Variants in DYM observed in about 807,000 individuals in gnomAD.
DYM encodes the protein dyggve-Melchior-Clausen syndrome protein.
A neutral mutation model predicts 93.1 loss-of-function variants in DYM; 78 were observed. That is an observed-to-expected ratio of 0.84 (90% CI 0.70 to 1.01). The LOEUF (loss-of-function observed/expected upper bound fraction) is 1.01, where lower values mean the gene tolerates loss of function less well. DYM is among the 50% of genes least tolerant of loss of function. The probability of loss-of-function intolerance (pLI) is 0.00; values close to 1 mark genes in which losing one functional copy is unlikely to be tolerated. For missense variants in DYM, 789 were observed against 845.0 expected, an observed-to-expected ratio of 0.93 and a Z score of 0.82; for synonymous variants, 321 against 319.7, an observed-to-expected ratio of 1.00 and a Z score of -0.04.
At chr18:49,183,606 T>C (rs900983073) in intron 14 of DYM, among the ~76,000 whole-genome samples, 1 of 152,174 alleles carries the variant, frequency 6.6e-6, no homozygotes, top group East Asian at 1.9e-4. Context: ...AATATTAAGT[T>C]CTTGAGCCTG....
intron 8 of DYM, among the ~76,000 whole-genome samples, chr18:49,312,089 T>C (rs982857908): frequency 2.6e-4 from 40 of 152,300 alleles, no homozygotes; most frequent in Admixed American, 1.5e-3. Context: ...AACTTCACTA[T>C]TGCTTATGTT....
At chr18:49,307,870 T>C (rs1338491840) in intron 8 of DYM, among the ~76,000 whole-genome samples, 2 of 152,224 alleles carry the variant, frequency 1.3e-5, no homozygotes, top group African/African-American at 4.8e-5. Context: ...TGACTTCAGC[T>C]GCTTGACAGC....
chr18:49,053,641 T>C (rs1360020305), intron 17 of DYM, among the ~76,000 whole-genome samples: 2 of 152,194 alleles, frequency 1.3e-5, no homozygotes, highest in Non-Finnish European at 2.9e-5. Context: ...AGATGAAAAC[T>C]ACACAGGTTT....
intron 6 of DYM, among the ~76,000 whole-genome samples, chr18:49,362,032 T>G (rs77950110): frequency 5.8e-5 from 8 of 137,152 alleles, no homozygotes; most frequent in East Asian, 2.9e-4. Context: ...CCTAATTTTT[T>G]TTTTTTTTTT....
At chr18:49,386,683 G>A (rs1339377247) in intron 3 of DYM, among the ~76,000 whole-genome samples, 1 of 152,142 alleles carries the variant, frequency 6.6e-6, no homozygotes, top group African/African-American at 2.4e-5. Flanking sequence ...GTGGGATCCT[G>A]GAACAGTGAA....
chr18:49,351,897 T>C (rs1289828016), intron 6 of DYM, among the ~76,000 whole-genome samples: 2 of 151,700 alleles, frequency 1.3e-5, no homozygotes, highest in East Asian at 1.9e-4. Context: ...CCCAAGAAAA[T>C]AGTGAAGAGG....
chr18:49,070,934 A>G (rs1049745598), intron 17 of DYM, among the ~76,000 whole-genome samples: 1 of 152,198 alleles, frequency 6.6e-6, no homozygotes, highest in Non-Finnish European at 1.5e-5. Flanking sequence ...CCCTGATTTG[A>G]AAAACTCTCA....
chr18:49,111,609 T>A (rs2081399600), intron 16 of DYM, among the ~76,000 whole-genome samples: 1 of 152,186 alleles, frequency 6.6e-6, no homozygotes, highest in Admixed American at 6.5e-5. Context: ...GTGTACCACA[T>A]CCTCTAATGA....
chr18:49,441,605 T>C (rs2081631110), intron 1 of DYM, among the ~76,000 whole-genome samples: 1 of 150,506 alleles, frequency 6.6e-6, no homozygotes, highest in Non-Finnish European at 1.5e-5. Flanking sequence ...ACGAAAGCAA[T>C]GGAAAGAAAG....
At chr18:49,055,020 A>G (rs1185342249) in intron 17 of DYM, among the ~76,000 whole-genome samples, 2 of 152,202 alleles carry the variant, frequency 1.3e-5, no homozygotes, top group African/African-American at 2.4e-5. Context: ...AAGGGGATTC[A>G]CAGAAAGGAG....
intron 5 of DYM, among the ~76,000 whole-genome samples, chr18:49,374,504 C>T (rs965626124): frequency 6.6e-6 from 1 of 152,174 alleles, no homozygotes; most frequent in Non-Finnish European, 1.5e-5. Context: ...TTTTCCAGTA[C>T]CACTAATCAA....
intron 8 of DYM, among the ~76,000 whole-genome samples, chr18:49,305,562 T>C (rs138667550): frequency 6.6e-6 from 1 of 152,332 alleles, no homozygotes; most frequent in Non-Finnish European, 1.5e-5. Flanking sequence ...ACATGTACAT[T>C]CTGCCTTCAG....
intron 13 of DYM, among the ~76,000 whole-genome samples, chr18:49,232,667 G>A (rs1156990965): frequency 1.4e-5 from 2 of 143,620 alleles, no homozygotes. Context: ...GGAGTGCAGT[G>A]GCGAGATCTC....
At chr18:49,241,678 G>A (rs1173340130) in intron 13 of DYM, among the ~76,000 whole-genome samples, 1 of 152,178 alleles carries the variant, frequency 6.6e-6, no homozygotes, top group Non-Finnish European at 1.5e-5. Context: ...AATTCTGATA[G>A]ATGAAATGAT....
At chr18:49,162,589 G>A (rs1457304943) in intron 15 of DYM, among the ~76,000 whole-genome samples, 1 of 152,184 alleles carries the variant, frequency 6.6e-6, no homozygotes, top group Non-Finnish European at 1.5e-5. Context: ...CTGCCACACT[G>A]GGGATTAAGT....
At chr18:49,455,625 T>C (rs761392357) in intron 1 of DYM, among the ~76,000 whole-genome samples, 5 of 152,256 alleles carry the variant, frequency 3.3e-5, no homozygotes, top group Middle Eastern at 3.4e-3. Context: ...TCAAAAAGTA[T>C]GTAGGTTAGT....
At chr18:49,190,221 C>G (rs2090839034) in intron 14 of DYM, among the ~76,000 whole-genome samples, 1 of 152,252 alleles carries the variant, frequency 6.6e-6, no homozygotes, top group South Asian at 2.1e-4. Flanking sequence ...ATTTCCCAAA[C>G]ACACTTTTCT....
chr18:49,269,903 T>A (rs1038510569), intron 11 of DYM, among the ~76,000 whole-genome samples: 3 of 152,212 alleles, frequency 2.0e-5, no homozygotes, highest in African/African-American at 7.2e-5. Flanking sequence ...ATTGATTCAG[T>A]CAGTGCCACT....
At chr18:49,289,750 T>TAC (rs2059947318) in intron 8 of DYM, among the ~76,000 whole-genome samples, 2 of 41,560 alleles carry the variant, frequency 4.8e-5, no homozygotes, top group African/African-American at 2.1e-4. Flanking sequence ...TATATATATA[T>TAC]ATATATATAT....
Sources: allele counts gnomAD v4.1 joint callset (sites outside exome capture counted in the v4.1 genomes callset), GRCh38; gene constraint gnomAD v4.1.1; transcripts MANE v1.5; gene names NCBI Gene and HGNC (gene_info 2026-07-23, HGNC 2026-07-21).